Variants in USP20 observed in about 807,000 individuals in gnomAD.
USP20 encodes the protein ubiquitin carboxyl-terminal hydrolase 20.
A neutral mutation model predicts 124.2 loss-of-function variants in USP20; 80 were observed. That is an observed-to-expected ratio of 0.64 (90% CI 0.54 to 0.78). The LOEUF is 0.78. Ranked by LOEUF, USP20 falls within the 30% of genes least tolerant of loss-of-function variation. The probability of loss-of-function intolerance (pLI) is 0.00; values close to 1 mark genes in which losing one functional copy is unlikely to be tolerated. For missense variants in USP20, 1,043 were observed against 1,244.4 expected (o/e 0.84, Z 2.44); for synonymous variants, 481 against 512.3 (o/e 0.94, Z 0.83).
intron 4 of USP20, among the ~76,000 whole-genome samples, chr9:129,856,770 G>A (rs1234885305): frequency 2.0e-5 from 3 of 152,176 alleles, no homozygotes; most frequent in African/African-American, 4.8e-5. Context: ...GAAAGGGGCT[G>A]CAACACTGAC....
At chr9:129,860,853 G>T (rs2033506141) in intron 6 of USP20, 84 bp from the exon 7 acceptor site, 1 of 1,417,116 alleles carries the variant, frequency 7.1e-7, no homozygotes, top group Middle Eastern at 1.8e-4. Context: ...AGTAGGGCTG[G>T]ACTTCCAGCC....
At chr9:129,868,485 G>A (rs1392132079) in intron 11 of USP20, 36 bp downstream of exon 11, 2 of 1,591,160 alleles carry the variant, frequency 1.3e-6, no homozygotes, top group African/African-American at 1.3e-5. Flanking sequence ...AGGAACCTCA[G>A]CCTATGGCCC....
intron 22 of USP20, among the ~76,000 whole-genome samples, chr9:129,877,906 T>C (rs1349274719): frequency 6.6e-6 from 1 of 151,936 alleles, no homozygotes. Flanking sequence ...AAACCCCGTC[T>C]CTACTAAAAA....
chr9:129,868,450 G>C lies in USP20; in HGVS notation c.1135+1G>C. The C allele has an allele frequency of 6.2e-7, 1 of 1,608,858 alleles. No individual in the cohort carries two copies. Among genetic ancestry groups the C allele is most frequent in the Non-Finnish European group, 8.5e-7 (1 of 1,177,170 alleles). On this transcript the variant is annotated splice_donor_variant, in intron 11 of 25. Transcript: ENST00000372429. LOFTEE classifies it high-confidence loss of function. The stretch of plus-strand genomic sequence containing the variant: ...TCCTCCAGCCCCTGCCGGACGCCAG[G>C]TATCAGCTGGCCGGGGACTGCGGGA...
chr9:129,878,621 C>T (rs1005452742), intron 23 of USP20, among the ~76,000 whole-genome samples, 181 bp downstream of exon 23: 1 of 152,196 alleles, frequency 6.6e-6, no homozygotes, highest in Admixed American at 6.5e-5. Context: ...GATCACTGTC[C>T]CCACCCAGAG....
intron 22 of USP20, among the ~76,000 whole-genome samples, chr9:129,877,923 A>G (rs2034476771): frequency 6.6e-6 from 1 of 151,778 alleles, no homozygotes; most frequent in Non-Finnish European, 1.5e-5. Context: ...AAAACACAAA[A>G]AGTAGCCAGG....
In USP20 at chr9:129,874,708, A is replaced by C. The variant is rs754413394; in HGVS notation, c.1873A>C (p.Thr625Pro). ...FLAKECTSQITTYDLLSVICH... is the reference protein window; with the variant it reads ...FLAKECTSQIPTYDLLSVICH... ...TGCCAAGGAGTGCACATCCCAGATC[A>C]CCACCTACGACCTCCTCTCGGTCAT... The change falls in exon 18 of 26, where the codon ACC becomes CCC. Residue 625 changes from threonine (T) to proline (P), a missense_variant. Coordinates refer to ENST00000372429, the MANE Select transcript of USP20 (RefSeq NM_001110303.4). 1 of 1,613,760 alleles carries C rather than the reference A, an allele frequency of 6.2e-7. No individual in the cohort carries two copies. Among genetic ancestry groups the C allele is most frequent in the South Asian group, 1.1e-5 (1 of 91,072 alleles).
rs368990776 is a variant in USP20, at chr9:129,843,679, G to A, written c.-128-6134G>A. On this transcript the variant is annotated intron_variant, in intron 1 of 25. Coordinates refer to ENST00000372429, the MANE Select transcript of USP20 (RefSeq NM_001110303.4). ...TTGAACCCAGGAGGTGGAGGTTGCA[G>A]TGAGCCGAGATCACACCACTGCACT... 3.9e-5 allele frequency among the ~76,000 whole-genome samples: 6 copies of A among 152,208 alleles called. No homozygotes were observed. The East Asian group carries it at 1.2e-3, about 29-fold the overall frequency.
At chr9:129,871,679 G>A (rs956310371) in intron 15 of USP20, among the ~76,000 whole-genome samples, 3 of 152,104 alleles carry the variant, frequency 2.0e-5, no homozygotes, top group Non-Finnish European at 4.4e-5. Context: ...CAACCTCATG[G>A]GTATGAGGTG....
At chr9:129,851,437 G>C (rs1379359867) in intron 2 of USP20, among the ~76,000 whole-genome samples, 1 of 151,970 alleles carries the variant, frequency 6.6e-6, no homozygotes, top group Non-Finnish European at 1.5e-5. Flanking sequence ...ATACATCTTA[G>C]TATGTCTGTA....
Position 129,879,578 on chromosome 9 carries a change from C to T in USP20, c.2518C>T (p.Pro840Ser). ...AFVKGKDNEP[P>S]GPIDNSRIAQ... The stretch of plus-strand genomic sequence containing the variant: ...GCCCGCTGTGTCTGTTGCAGAGCCC[C>T]CCGGGCCCATTGACAACAGCAGGAT... Residue 840 changes from proline to serine, a missense_variant, in exon 24 of 26, where the codon CCC (proline) becomes TCC (serine). Transcript: ENST00000372429. The surrounding 1 kb of genome is among the most constrained non-coding windows in gnomAD (Gnocchi z 4.2). The T allele has an allele frequency of 6.2e-7, 1 of 1,613,598 alleles. No individual in the cohort carries two copies. Among genetic ancestry groups the T allele is most frequent in the Non-Finnish European group, 8.5e-7 (1 of 1,179,954 alleles).
chr9:129,847,783 TAA>T (rs1365972648), intron 1 of USP20, among the ~76,000 whole-genome samples: 5 of 152,122 alleles, frequency 3.3e-5, no homozygotes, highest in Admixed American at 3.3e-4. Context: ...GTCTGCAACA[TAA>T]CTCTCCCCTT....
At chr9:129,846,247 A>ATTTTTTTTT (rs35809246) in intron 1 of USP20, among the ~76,000 whole-genome samples, 2 of 32,682 alleles carry the variant, frequency 6.1e-5, no homozygotes, top group Non-Finnish European at 1.0e-4. Context: ...ATATATATAT[A>ATTTTTTTTT]TTTTTTTTTT....
intron 15 of USP20, among the ~76,000 whole-genome samples, chr9:129,871,746 C>T (rs528089374): frequency 6.6e-6 from 1 of 152,316 alleles, no homozygotes; most frequent in South Asian, 2.1e-4. Context: ...GACGGAGTCT[C>T]TCTCTTGACG....
At chr9:129,852,448 C>G (rs1265917475) in intron 2 of USP20, 92 bp from the exon 3 acceptor site, 2 of 1,153,438 alleles carry the variant, frequency 1.7e-6, no homozygotes, top group Non-Finnish European at 2.5e-6. Flanking sequence ...GACCAGGACT[C>G]AAGGCCAAAG....
chr9:129,854,787 G>T (rs1198628852), intron 3 of USP20, among the ~76,000 whole-genome samples: 2 of 152,192 alleles, frequency 1.3e-5, no homozygotes, highest in Non-Finnish European at 2.9e-5. Context: ...CTCCGTGAGA[G>T]ACCCTAAACC....
chr9:129,872,556 G>A (rs2034177491), intron 15 of USP20, among the ~76,000 whole-genome samples: 1 of 152,134 alleles, frequency 6.6e-6, no homozygotes, highest in African/African-American at 2.4e-5. Context: ...CTTTTGCTTT[G>A]GTTGCCTGCA....
chr9:129,859,238 G>A (rs1023242699), intron 6 of USP20, among the ~76,000 whole-genome samples: 1 of 19,188 alleles, frequency 5.2e-5, no homozygotes, highest in African/African-American at 1.2e-4. Flanking sequence ...TGCAGCATCT[G>A]CATGGCTCTC....
chr9:129,873,829 A>G, intron 17 of USP20, 85 bp downstream of exon 17: 1 of 1,506,840 alleles, frequency 6.6e-7, no homozygotes, highest in African/African-American at 1.4e-5. Context: ...AGCCTGCTCC[A>G]CTGCTCGGGC....
Sources: allele counts gnomAD v4.1 joint callset (sites outside exome capture counted in the v4.1 genomes callset), GRCh38; gene constraint gnomAD v4.1.1; non-coding constraint Gnocchi (gnomAD v3.1); transcripts MANE v1.5; gene names NCBI Gene and HGNC (gene_info 2026-07-23, HGNC 2026-07-21).